LRP6: variants seen among roughly 807,000 people sequenced by gnomAD.
LRP6 encodes LDL receptor related protein 6.
LRP6 carries 43 observed loss-of-function variants against 184.1 expected under a neutral mutation model. The observed-to-expected ratio is 0.23, with a 90% CI of 0.18 to 0.30. The LOEUF is 0.30. Ranked by LOEUF, LRP6 falls within the 10% of genes least tolerant of loss-of-function variation. The pLI, the probability that LRP6 is intolerant of heterozygous loss-of-function variation, is 1.00. For missense variants in LRP6, 1,571 were observed against 2,005.3 expected (o/e 0.78, Z 4.14); for synonymous variants, 719 against 684.9 (o/e 1.05, Z -0.78).
intron 7 of LRP6, among the ~76,000 whole-genome samples, chr12:12,170,242 G>A (rs887724722): frequency 2.6e-5 from 4 of 152,106 alleles, no homozygotes; most frequent in Admixed American, 6.6e-5. Context: ...GGCTGAGGCA[G>A]AATTGCTTGA....
rs142776493 is a variant in LRP6, at chr12:12,243,212, T to C, written c.449+1050A>G. ...GTATACTAATAGTAGAAATGAGACA[T>C]AGTAACAGAGAAGCAATGTGAGGAT... On this transcript the variant is annotated intron_variant, in intron 2 of 22. Transcript: ENST00000261349. Among the ~76,000 whole-genome samples, 225 of 152,298 alleles carry C rather than the reference T, an allele frequency of 1.5e-3. 1 individual carries two copies. Among genetic ancestry groups the C allele is most frequent in the African/African-American group, 5.1e-3 (214 of 41,576 alleles).
Position 12,147,569 on chromosome 12 carries a change from G to T in LRP6, c.3207-13C>A, listed in dbSNP as rs772957308. ...AAAATACATATACCTAGAGGGAAAG[G>T]AGGAAAAAAATAAGTTACTGGAGTA... is the stretch of plus-strand genomic sequence containing the variant. On this transcript the variant is annotated splice_polypyrimidine_tract_variant and intron_variant, in intron 14 of 22. Coordinates refer to ENST00000261349, the MANE Select transcript of LRP6 (RefSeq NM_002336.3). The T allele has an allele frequency of 3.1e-6, 5 of 1,606,566 alleles. No individual in the cohort carries two copies. The highest frequency in any genetic ancestry group is 3.4e-6 in the Non-Finnish European group (4 of 1,174,092).
At chr12:12,233,180 A>G (rs1235393233) in intron 2 of LRP6, among the ~76,000 whole-genome samples, 3 of 152,206 alleles carry the variant, frequency 2.0e-5, no homozygotes, top group Non-Finnish European at 4.4e-5. Context: ...GTTAGAAAAA[A>G]AAATTGTCTG....
At chr12:12,242,989 T>C (rs1865102555) in intron 2 of LRP6, among the ~76,000 whole-genome samples, 1 of 152,244 alleles carries the variant, frequency 6.6e-6, no homozygotes, top group Admixed American at 6.5e-5. Flanking sequence ...CTCCTTTCTA[T>C]AAGTGAAATG....
chr12:12,203,654 G>C (rs1863974207), intron 2 of LRP6, among the ~76,000 whole-genome samples: 1 of 152,078 alleles, frequency 6.6e-6, no homozygotes, highest in African/African-American at 2.4e-5. Flanking sequence ...TGTAGTCCTG[G>C]CTACTCAGGA....
chr12:12,127,515 TC>T (rs1200912966), intron 19 of LRP6, among the ~76,000 whole-genome samples: 3 of 152,170 alleles, frequency 2.0e-5, no homozygotes, highest in African/African-American at 4.8e-5. Context: ...CTTCAGGCTG[TC>T]TAGTTGCCTG....
chr12:12,244,740 G>A (rs1332163707), intron 1 of LRP6, 85 bp from the exon 2 acceptor site: 19 of 1,215,942 alleles, frequency 1.6e-5, no homozygotes, highest in Non-Finnish European at 2.2e-5. Flanking sequence ...CGGTTTAAGT[G>A]AGCAAAGACT....
chr12:12,258,077 AT>A (rs1297140425), intron 1 of LRP6, among the ~76,000 whole-genome samples: 10 of 152,230 alleles, frequency 6.6e-5, no homozygotes, highest in East Asian at 5.8e-4. Context: ...GAATATGCTG[AT>A]TTTTTAGTAG....
intron 18 of LRP6, 91 bp from the exon 19 acceptor site, chr12:12,130,984 T>C: frequency 1.4e-6 from 1 of 733,604 alleles, no homozygotes; most frequent in Non-Finnish European, 2.5e-6. Flanking sequence ...TGAACACAAA[T>C]GAAAAACAAA....
Position 12,202,874 on chromosome 12 carries a change from C to CT in LRP6, c.647+328dup, listed in dbSNP as rs200398843. On this transcript the variant is annotated intron_variant, in intron 3 of 22. Coordinates refer to ENST00000261349, the MANE Select transcript of LRP6 (RefSeq NM_002336.3). ...CACCGGAACTAAAATACTAGTAGCA[C>CT]TCCCAGTCCTTGGGTTAAACAAAAT... 3.7e-4 allele frequency among the ~76,000 whole-genome samples: 56 copies of CT among 152,280 alleles called. 1 individual carries two copies. The East Asian group carries it at 0.01, about 28-fold the overall frequency.
rs11829211 is a variant in LRP6 at position 12,184,127 on chromosome 12, C to T, written c.845-16G>A. ...GGATTTGTGGCTGTCAAATATAAAT[C>T]ACATTGATTAATATCAATGATTACT... On this transcript the variant is annotated splice_polypyrimidine_tract_variant and intron_variant, in intron 4 of 22. Transcript: ENST00000261349. 134,661 of 1,609,036 alleles carry T rather than the reference C, an allele frequency of 0.084. 6,244 individuals carry two copies. The highest frequency in any genetic ancestry group is 0.12 in the Admixed American group (6,939 of 59,992).
At chr12:12,212,092 A>T (rs1481931664) in intron 2 of LRP6, among the ~76,000 whole-genome samples, 3 of 152,190 alleles carry the variant, frequency 2.0e-5, no homozygotes, top group African/African-American at 7.2e-5. Context: ...TACATTTCAA[A>T]TACAGTATTA....
chr12:12,236,043 T>A (rs1323982399), intron 2 of LRP6, among the ~76,000 whole-genome samples: 1 of 151,504 alleles, frequency 6.6e-6, no homozygotes, highest in African/African-American at 2.4e-5. Context: ...GGCTAACAGG[T>A]GTGAAACCCC....
intron 1 of LRP6, among the ~76,000 whole-genome samples, chr12:12,257,253 T>A (rs1049383237): frequency 1.3e-5 from 2 of 152,062 alleles, no homozygotes; most frequent in African/African-American, 4.8e-5. Flanking sequence ...TTACTGTATG[T>A]GAATTATAGC....
chr12:12,155,546 G>A (rs2136929731), intron 12 of LRP6: 9 of 746,804 alleles, frequency 1.2e-5, no homozygotes, highest in Middle Eastern at 3.4e-4. Context: ...TATTCAGCAC[G>A]TTAAGCACGC....
chr12:12,138,884 C>G, intron 15 of LRP6: 1 of 1,372,718 alleles, frequency 7.3e-7, no homozygotes, highest in Non-Finnish European at 9.8e-7. Context: ...ACCCAGAGTT[C>G]TGAGTATACC....
intron 3 of LRP6, among the ~76,000 whole-genome samples, chr12:12,199,964 CAAAAAAAAAAAAAAAAAAAAA>C (rs146224493): frequency 2.2e-5 from 1 of 45,174 alleles, no homozygotes; most frequent in East Asian, 8.3e-4. Flanking sequence ...GACTCCATCT[CAAAAAAAAAAAAAAAAAAAAA>C]AAAAAAAAAA....
chr12:12,214,661 C>T (rs1864292392), intron 2 of LRP6, among the ~76,000 whole-genome samples: 1 of 152,178 alleles, frequency 6.6e-6, no homozygotes, highest in African/African-American at 2.4e-5. Flanking sequence ...CTTTAACTAT[C>T]AGAGCCTATT....
chr12:12,178,454 G>C (rs1863249519), intron 7 of LRP6, among the ~76,000 whole-genome samples: 1 of 152,050 alleles, frequency 6.6e-6, no homozygotes, highest in Non-Finnish European at 1.5e-5. Flanking sequence ...AAATTTTCTT[G>C]CTACAGATAT....
Sources: gnomAD v4.1 joint callset for allele counts (sites outside exome capture counted in the v4.1 genomes callset) on GRCh38, gnomAD v4.1.1 for gene constraint, MANE v1.5 for transcripts, NCBI Gene and HGNC (gene_info 2026-07-23, HGNC 2026-07-21) for gene names.